The following FNDC1 variants were observed in gnomAD, a reference collection of about 807,000 sequenced individuals.
FNDC1 encodes the protein fibronectin type III domain containing 1.
A neutral mutation model predicts 168.0 loss-of-function variants in FNDC1; 96 were observed. The observed-to-expected ratio is 0.57, with a 90% CI of 0.48 to 0.68. The LOEUF is 0.68. Ranked by LOEUF, FNDC1 falls within the 30% of genes least tolerant of loss-of-function variation. The pLI is 0.00. For missense variants in FNDC1, 2,587 were observed against 2,482.1 expected (o/e 1.04, Z -0.90); for synonymous variants, 1,099 against 1,025.9 (o/e 1.07, Z -1.36).
chr6:159,219,033 T>G (rs1782763038), intron 5 of FNDC1, among the ~76,000 whole-genome samples: 1 of 139,638 alleles, frequency 7.2e-6, no homozygotes. Context: ...TTTTGGGAAT[T>G]TCAGTTTCCC....
At chr6:159,176,121 T>C (rs936074862) in intron 1 of FNDC1, among the ~76,000 whole-genome samples, 5 of 152,212 alleles carry the variant, frequency 3.3e-5, no homozygotes, top group East Asian at 1.9e-4. Context: ...TAGGTCCTAA[T>C]TGAGCCACCA....
Position 159,179,301 on chromosome 6 carries a change from A to G in FNDC1, c.109+9596A>G, listed in dbSNP as rs566109977. 7.9e-5 allele frequency among the ~76,000 whole-genome samples: 12 copies of G among 152,306 alleles called. No individual in the cohort carries two copies. The East Asian group carries it at 2.1e-3, about 27-fold the overall frequency. ...AAAATGGTGAAACCCTGTCTCTACT[A>G]AACAAAAATTAGCCAGGCATGGTGG... is the stretch of plus-strand genomic sequence containing the variant. On this transcript the variant is annotated intron_variant, in intron 1 of 22. Coordinates refer to ENST00000297267, the MANE Select transcript of FNDC1 (RefSeq NM_032532.3).
In FNDC1 at chr6:159,269,230, T is replaced by C. The variant is rs57704119; in HGVS notation, c.5569+1304T>C. On this transcript the variant is annotated intron_variant, in intron 22 of 22. Transcript: ENST00000297267. ...ATATCTATCTATCTATCTATCTATC[T>C]ATCTATCTATCTATCTATCCATCTA... 5.5e-3 allele frequency among the ~76,000 whole-genome samples: 751 copies of C among 135,886 alleles called. 9 individuals carry two copies. Among genetic ancestry groups the C allele is most frequent in the African/African-American group, 0.02 (622 of 30,936 alleles). 89.1% of individuals were successfully genotyped at this position (135,886 alleles called of 152,430 possible). A position where few individuals can be genotyped will look rare whatever the true frequency, so the allele number is the denominator to read the frequency against.
chr6:159,238,601 C>A lies in FNDC1; in HGVS notation c.4116C>A (p.Tyr1372Ter). 6.2e-7 allele frequency: 1 copy of A among 1,611,994 alleles called. No homozygotes were observed. Among genetic ancestry groups the A allele is most frequent in the Non-Finnish European group, 8.5e-7 (1 of 1,179,230 alleles). The change falls in exon 13 of 23, where the codon TAC becomes TAA. Residue 1372 changes from tyrosine (Y) to a stop codon, truncating the protein, a stop_gained. Transcript: ENST00000297267. LOFTEE classifies it high-confidence loss of function. The stretch of plus-strand genomic sequence containing the variant: ...TAGTATTGAATGCAGAAGGAAGGTA[C>A]CTCCAAGATTCACATGGAAATCCTC... ...RGLVLNAEGR[Y>*]LQDSHGNPLR...
chr6:159,227,345 A>G (rs1782974887), intron 9 of FNDC1, among the ~76,000 whole-genome samples: 1 of 152,210 alleles, frequency 6.6e-6, no homozygotes, highest in Non-Finnish European at 1.5e-5. Context: ...GAAAGAAATA[A>G]TTTTTATTGT....
chr6:159,222,155 C>A lies in FNDC1; in HGVS notation c.766+459C>A, dbSNP rs555613420. ...AAGCATCATAGTGGTTTGCTGAGAG[C>A]CTGATCATTGTCCACACGGTTACAT... is the stretch of plus-strand genomic sequence containing the variant. On this transcript the variant is annotated intron_variant, in intron 6 of 22. Coordinates refer to ENST00000297267, the MANE Select transcript of FNDC1 (RefSeq NM_032532.3). Among the ~76,000 whole-genome samples the A allele has an allele frequency of 5.9e-5, 9 of 152,292 alleles. No homozygotes were observed. The South Asian group carries it at 1.9e-3, about 32-fold the overall frequency.
intron 2 of FNDC1, among the ~76,000 whole-genome samples, chr6:159,198,781 T>G (rs1782308430): frequency 6.6e-6 from 1 of 152,248 alleles, no homozygotes; most frequent in Non-Finnish European, 1.5e-5. Flanking sequence ...ACATGTGGAT[T>G]AAATTTCTTT....
chr6:159,222,568 T>C (rs1258422337), intron 6 of FNDC1, among the ~76,000 whole-genome samples: 2 of 152,204 alleles, frequency 1.3e-5, no homozygotes, highest in Non-Finnish European at 1.5e-5. Flanking sequence ...ATTGAAGACA[T>C]CTTGTGAGTC....
rs574433596 is a variant in FNDC1 at position 159,215,385 on chromosome 6, G to A, written c.667+234G>A. 3.3e-5 allele frequency among the ~76,000 whole-genome samples: 5 copies of A among 152,324 alleles called. No individual in the cohort carries two copies. The East Asian group carries it at 7.7e-4, about 24-fold the overall frequency. ...TCCTAGTGCCTGTCAGTTGCTTCCT[G>A]ATCCGACAGCACAGACTCCTTGAGT... On this transcript the variant is annotated intron_variant, in intron 5 of 22. Transcript: ENST00000297267.
chr6:159,181,515 T>C (rs995063403), intron 1 of FNDC1, among the ~76,000 whole-genome samples: 1 of 152,232 alleles, frequency 6.6e-6, no homozygotes, highest in Non-Finnish European at 1.5e-5. Context: ...AAGTTGGGAT[T>C]GCTGTGGCCA....
At chr6:159,266,578 T>C (rs1475725300) in intron 21 of FNDC1, among the ~76,000 whole-genome samples, 3 of 151,868 alleles carry the variant, frequency 2.0e-5, no homozygotes, top group Non-Finnish European at 4.4e-5. Context: ...AACCCATCTC[T>C]ACTAAAAAGA....
Position 159,195,542 on chromosome 6 carries a change from A to G in FNDC1, c.110-1889A>G, listed in dbSNP as rs1393473568. Among the ~76,000 whole-genome samples, 11 of 152,320 alleles carry G rather than the reference A, an allele frequency of 7.2e-5. No homozygotes were observed. In the East Asian group the frequency reaches 2.1e-3, roughly 29 times the overall value. On this transcript the variant is annotated intron_variant, in intron 1 of 22. Coordinates refer to ENST00000297267, the MANE Select transcript of FNDC1 (RefSeq NM_032532.3). Reference sequence around the variant, plus strand: ...TTCCGAGGGAGCATGAGCTTCTGGCAGAGCTGGGCTTTGGAGTTGGGCAAA... The same window carrying G: ...TTCCGAGGGAGCATGAGCTTCTGGCGGAGCTGGGCTTTGGAGTTGGGCAAA...
intron 9 of FNDC1, 43 bp downstream of exon 9, chr6:159,226,623 A>C: frequency 6.9e-7 from 1 of 1,447,210 alleles, no homozygotes; most frequent in East Asian, 2.4e-5. Context: ...ATTGATTCTG[A>C]TGAACATGGC....
At chr6:159,269,502 C>G (rs202072403) in intron 22 of FNDC1, among the ~76,000 whole-genome samples, 1,824 of 91,880 alleles carry the variant, frequency 0.02, 23 homozygotes, top group African/African-American at 0.023. Flanking sequence ...ATCTATCTAT[C>G]CATCCATCCA....
chr6:159,249,650 A>T (rs1777216581), intron 16 of FNDC1, among the ~76,000 whole-genome samples: 1 of 152,194 alleles, frequency 6.6e-6, no homozygotes, highest in African/African-American at 2.4e-5. Flanking sequence ...TATCACTTTC[A>T]TTAGCTTCAA....
In FNDC1 at chr6:159,256,649, T is replaced by G. The variant is rs370796542; in HGVS notation, c.5174+18T>G. ...AACACGAGGTACGATGTGTCAGTCA[T>G]TTAGAAAAGATGAGATCCATGTGCA... On this transcript the variant is annotated intron_variant, in intron 18 of 22. Coordinates refer to ENST00000297267, the MANE Select transcript of FNDC1 (RefSeq NM_032532.3). 12 of 1,560,130 alleles carry G rather than the reference T, an allele frequency of 7.7e-6. No individual in the cohort carries two copies. Among genetic ancestry groups the G allele is most frequent in the Non-Finnish European group, 9.7e-6 (11 of 1,132,242 alleles).
At chr6:159,208,526 A>G (rs569227753) in intron 4 of FNDC1, among the ~76,000 whole-genome samples, 42 of 143,148 alleles carry the variant, frequency 2.9e-4, no homozygotes, top group African/African-American at 1.0e-3. Context: ...TCACTAATGC[A>G]GTGGATGACC....
chr6:159,177,134 T>C (rs905990140), intron 1 of FNDC1, among the ~76,000 whole-genome samples: 1 of 152,068 alleles, frequency 6.6e-6, no homozygotes, highest in Non-Finnish European at 1.5e-5. Flanking sequence ...TTCAGTGTGG[T>C]TCCCAAGGAA....
intron 1 of FNDC1, among the ~76,000 whole-genome samples, chr6:159,172,693 G>A (rs1583844935): frequency 6.6e-6 from 1 of 152,164 alleles, no homozygotes; most frequent in African/African-American, 2.4e-5. Context: ...TAGCCCAATG[G>A]ATTTTTAATG....
Sources: allele counts gnomAD v4.1 joint callset (sites outside exome capture counted in the v4.1 genomes callset), GRCh38; gene constraint gnomAD v4.1.1; transcripts MANE v1.5; gene names NCBI Gene and HGNC (gene_info 2026-07-23, HGNC 2026-07-21).